The following NOL4 variants were observed in gnomAD, a reference collection of about 807,000 sequenced individuals.
The protein encoded by NOL4 is cancer/testis antigen 125.
A neutral mutation model predicts 75.9 loss-of-function variants in NOL4; 17 were observed. That is an observed-to-expected ratio of 0.22 (90% confidence interval 0.15 to 0.34). The LOEUF (loss-of-function observed/expected upper bound fraction) is 0.34, where lower values mean the gene tolerates loss of function less well. NOL4 is among the 10% of genes least tolerant of loss of function. The probability of loss-of-function intolerance (pLI) is 1.00; values close to 1 mark genes in which losing one functional copy is unlikely to be tolerated. For missense variants in NOL4, 614 were observed against 793.5 expected (o/e 0.77, Z 2.72); for synonymous variants, 292 against 289.9 (o/e 1.01, Z -0.07).
chr18:34,128,024 T>C (rs1168684717), intron 2 of NOL4, among the ~76,000 whole-genome samples: 1 of 151,934 alleles, frequency 6.6e-6, no homozygotes, highest in Non-Finnish European at 1.5e-5. Context: ...GTCTTCCTAA[T>C]GTTAATTCAA....
chr18:33,922,383 A>T (rs1429031065), intron 9 of NOL4, among the ~76,000 whole-genome samples: 2 of 152,198 alleles, frequency 1.3e-5, no homozygotes, highest in Non-Finnish European at 2.9e-5. Context: ...AAATAAAGTG[A>T]AGCCTTTGTT....
At chr18:33,928,100 G>A (rs982907542) in intron 9 of NOL4, among the ~76,000 whole-genome samples, 2 of 152,106 alleles carry the variant, frequency 1.3e-5, no homozygotes, top group Non-Finnish European at 2.9e-5. Flanking sequence ...ATGAATCCAC[G>A]TGGCATAAAC....
chr18:34,016,864 C>T (rs966259475), intron 6 of NOL4, among the ~76,000 whole-genome samples: 5 of 152,086 alleles, frequency 3.3e-5, no homozygotes, highest in Admixed American at 2.0e-4. Context: ...CAGTGACTTG[C>T]ATGTAGGAAT....
chr18:34,212,084 G>T (rs1267986962), intron 1 of NOL4, among the ~76,000 whole-genome samples: 1 of 152,000 alleles, frequency 6.6e-6, no homozygotes, highest in East Asian at 1.9e-4. Flanking sequence ...CCTTTGATAT[G>T]TGTACTTGTC....
chr18:34,049,720 C>G (rs1433826560), intron 5 of NOL4, among the ~76,000 whole-genome samples: 1 of 152,078 alleles, frequency 6.6e-6, no homozygotes, highest in Non-Finnish European at 1.5e-5. Context: ...CCACCCTTCC[C>G]CCACTGTCTG....
intron 6 of NOL4, among the ~76,000 whole-genome samples, chr18:33,985,152 G>T (rs1242306263): frequency 1.3e-5 from 2 of 152,038 alleles, no homozygotes; most frequent in Non-Finnish European, 2.9e-5. Flanking sequence ...TGCATCAAAT[G>T]AGTAACATTA....
intron 9 of NOL4, among the ~76,000 whole-genome samples, chr18:33,908,756 A>G (rs574564179): frequency 6.6e-6 from 1 of 152,314 alleles, no homozygotes; most frequent in South Asian, 2.1e-4. Context: ...AGGAACACGC[A>G]TAGATAACAT....
intron 5 of NOL4, among the ~76,000 whole-genome samples, chr18:34,056,979 A>G (rs1778567202): frequency 6.6e-6 from 1 of 152,184 alleles, no homozygotes; most frequent in African/African-American, 2.4e-5. Context: ...GTAACATTGA[A>G]CAAGGCTTTA....
chr18:34,148,936 T>C lies in NOL4; in HGVS notation c.265-18916A>G, dbSNP rs868180521. On this transcript the variant is annotated intron_variant, in intron 1 of 10. Transcript: ENST00000261592. ...TATATTTAGGATAGTTAGCTCTTCT[T>C]GCAAAAATATATACAAACTATTTTT... Among the ~76,000 whole-genome samples the C allele has an allele frequency of 2.6e-5, 4 of 151,876 alleles. No individual in the cohort carries two copies. In the South Asian group the frequency reaches 6.2e-4, roughly 24 times the overall value.
chr18:33,951,877 T>C (rs2069252351), intron 8 of NOL4, among the ~76,000 whole-genome samples: 1 of 152,220 alleles, frequency 6.6e-6, no homozygotes, highest in Non-Finnish European at 1.5e-5. Context: ...TATACATTTC[T>C]CAGTTTATAT....
intron 4 of NOL4, among the ~76,000 whole-genome samples, chr18:34,100,678 A>AT (rs2079006211): frequency 3.9e-5 from 6 of 152,252 alleles, no homozygotes; most frequent in Admixed American, 3.3e-4. Context: ...TAACATTGGA[A>AT]TTTCCCAAAT....
At chr18:34,026,614 C>T (rs1432052003) in intron 5 of NOL4, among the ~76,000 whole-genome samples, 2 of 152,020 alleles carry the variant, frequency 1.3e-5, no homozygotes, top group African/African-American at 4.8e-5. Context: ...GATCCCAATC[C>T]CAACTGATAT....
chr18:34,140,818 TG>T (rs559655723), intron 1 of NOL4, among the ~76,000 whole-genome samples: 324 of 152,222 alleles, frequency 2.1e-3, no homozygotes, highest in Middle Eastern at 0.01. Flanking sequence ...TGGCTGATAC[TG>T]GTTGTTCCTT....
chr18:34,012,352 A>G (rs1600245488), intron 6 of NOL4, among the ~76,000 whole-genome samples: 1 of 151,922 alleles, frequency 6.6e-6, no homozygotes, highest in South Asian at 2.1e-4. Flanking sequence ...AATATGACAT[A>G]TACTATAAAG....
chr18:33,981,098 A>T (rs1453580437), intron 6 of NOL4, among the ~76,000 whole-genome samples: 1 of 152,066 alleles, frequency 6.6e-6, no homozygotes, highest in Non-Finnish European at 1.5e-5. Flanking sequence ...TAGACTGGAC[A>T]TGGCTGTGGA....
chr18:34,024,503 A>G (rs1411336833), intron 5 of NOL4, among the ~76,000 whole-genome samples: 1 of 152,076 alleles, frequency 6.6e-6, no homozygotes, highest in Non-Finnish European at 1.5e-5. Flanking sequence ...AAATAGTTTA[A>G]GTGCAACTCT....
intron 1 of NOL4, among the ~76,000 whole-genome samples, chr18:34,216,156 A>G (rs1381123610): frequency 2.0e-5 from 3 of 152,216 alleles, no homozygotes; most frequent in Non-Finnish European, 2.9e-5. Context: ...AAACAGGGGC[A>G]CAGTTACGCA....
chr18:34,086,682 A>G (rs1290658097), intron 5 of NOL4, among the ~76,000 whole-genome samples: 4 of 152,262 alleles, frequency 2.6e-5, no homozygotes, highest in Middle Eastern at 6.8e-3. Flanking sequence ...AGCCACAAGC[A>G]TATTTTTACT....
intron 1 of NOL4, among the ~76,000 whole-genome samples, chr18:34,217,353 C>T (rs549964378): frequency 5.3e-5 from 8 of 151,676 alleles, no homozygotes; most frequent in South Asian, 4.2e-4. Context: ...GGTGCGATCT[C>T]GGCTCACTGC....
Sources: gnomAD v4.1 joint callset for allele counts (sites outside exome capture counted in the v4.1 genomes callset) on GRCh38, gnomAD v4.1.1 for gene constraint, MANE v1.5 for transcripts, NCBI Gene and HGNC (gene_info 2026-07-23, HGNC 2026-07-21) for gene names.